The following CFAP47 variants were observed in gnomAD, a reference collection of about 807,000 sequenced individuals.
CFAP47 encodes the protein cilia- and flagella-associated protein 47.
A neutral mutation model predicts 148.1 loss-of-function variants in CFAP47; 29 were observed. The ratio of observed to expected loss-of-function variants is 0.20; its 90% CI spans 0.15 to 0.27. The LOEUF (loss-of-function observed/expected upper bound fraction) is 0.27, where lower values mean the gene tolerates loss of function less well. Among genes scored for constraint, CFAP47 ranks in the 10% least tolerant of loss-of-function variants. The pLI is 1.00. For missense variants in CFAP47, 1,872 were observed against 1,697.5 expected (o/e 1.10, Z -1.81); for synonymous variants, 664 against 577.3 (o/e 1.15, Z -2.15).
At position 35,989,469 on chromosome X, in the gene CFAP47, A is replaced by G; in HGVS notation, c.2844+20A>G. On this transcript the variant is annotated intron_variant, in intron 16 of 63. Transcript: ENST00000378653. ...GCACATGTAATTATTTTCCTTGAAC[A>G]TGGTTTTTGTTTTGAGGGCTATGAA... 1.7e-6 allele frequency: 2 copies of G among 1,210,995 alleles called. No individual in the cohort carries two copies. Among genetic ancestry groups the G allele is most frequent in the Non-Finnish European group, 2.2e-6 (2 of 895,256 alleles).
Position 36,251,409 on chromosome X carries a change from T to A in CFAP47, c.7409T>A (p.Ile2470Asn). The A allele has an allele frequency of 3.9e-6, 2 of 508,413 alleles. No homozygotes were observed. The highest frequency in any genetic ancestry group is 5.0e-5 in the South Asian group (2 of 39,782). The allele number at this position is 508,413 out of a possible 1,213,427, so 41.9% of individuals were successfully genotyped here. Residue 2470 changes from isoleucine to asparagine, a missense_variant, in exon 49 of 64, where the codon ATT becomes AAT. Coordinates refer to ENST00000378653, the MANE Select transcript of CFAP47 (RefSeq NM_001304548.2). ...VYPYKEILYL[I>N]HVRPWKRGIL... is the part of the protein sequence containing the mutation. Reference sequence around the variant, plus strand: ...CCTTATAAAGAAATTCTGTACCTGATTCATGTGCGCCCTTGGAAACGTGGT... The same window carrying A: ...CCTTATAAAGAAATTCTGTACCTGAATCATGTGCGCCCTTGGAAACGTGGT...
At chrX:35,963,176 C>T (rs920139379) in intron 8 of CFAP47, among the ~76,000 whole-genome samples, 1 of 109,417 alleles carries the variant, frequency 9.1e-6, no homozygotes, top group African/African-American at 3.3e-5. Flanking sequence ...CAGTGGATGG[C>T]GAATAAGGAG....
At chrX:36,070,215 C>G (rs1002787962) in intron 27 of CFAP47, among the ~76,000 whole-genome samples, 4 of 112,119 alleles carry the variant, frequency 3.6e-5, no homozygotes, top group African/African-American at 1.3e-4. Context: ...ATCTTCACAA[C>G]AAACTCATGA....
rs782338714 is a variant in CFAP47 at position 36,190,063 on chromosome X, C to T, written c.6188C>T (p.Thr2063Ile). Residue 2063 changes from threonine to isoleucine, a missense_variant, in exon 42 of 64, where the codon ACT becomes ATT. Coordinates refer to ENST00000378653, the MANE Select transcript of CFAP47 (RefSeq NM_001304548.2). The stretch of plus-strand genomic sequence containing the variant: ...TATGTTTTGCTAGCAATTAAGTCCA[C>T]TTTTATCAGAGAGTTCTTCTGCTCC... The part of the protein sequence containing the change: ...PNVLHTSIKS[T>I]FIREFFCSMH... The T allele has an allele frequency of 3.7e-5, 11 of 296,687 alleles. No individual in the cohort carries two copies. The highest frequency in any genetic ancestry group is 2.4e-4 in the African/African-American group (9 of 36,750). The allele number at this position is 296,687 out of a possible 1,213,427, so 24.5% of individuals were successfully genotyped here. A position where few individuals can be genotyped will look rare whatever the true frequency, so the allele number is the denominator to read the frequency against.
intron 48 of CFAP47, among the ~76,000 whole-genome samples, chrX:36,244,201 T>C (rs1384963694): frequency 9.0e-6 from 1 of 111,320 alleles, no homozygotes; most frequent in Non-Finnish European, 1.9e-5. Flanking sequence ...ACTTGAGGCA[T>C]AACTTATAAA....
chrX:36,173,540 C>G (rs1331652161), intron 39 of CFAP47, among the ~76,000 whole-genome samples: 1 of 111,418 alleles, frequency 9.0e-6, no homozygotes, highest in Non-Finnish European at 1.9e-5. Flanking sequence ...TTTATTTCTG[C>G]CTTCATTTTG....
chrX:36,372,801 A>G (rs782031432), intron 62 of CFAP47, among the ~76,000 whole-genome samples: 94 of 112,141 alleles, frequency 8.4e-4, no homozygotes, highest in Non-Finnish European at 1.4e-3. Flanking sequence ...AGGTTTCCCA[A>G]CATCATTTAT....
intron 15 of CFAP47, among the ~76,000 whole-genome samples, chrX:35,987,774 G>A (rs1332970108): frequency 9.0e-6 from 1 of 111,673 alleles, no homozygotes; most frequent in African/African-American, 3.3e-5. Context: ...TGTGGGTTGC[G>A]AATACCATGG....
chrX:35,948,225 C>T, intron 3 of CFAP47, 89 bp from the exon 4 acceptor site: 1 of 860,472 alleles, frequency 1.2e-6, no homozygotes. Flanking sequence ...GCTTGGTCTA[C>T]TGGGTAAAGT....
At chrX:35,948,813 G>T (rs1936123246) in intron 4 of CFAP47, among the ~76,000 whole-genome samples, 1 of 109,228 alleles carries the variant, frequency 9.2e-6, no homozygotes, top group South Asian at 4.0e-4. Flanking sequence ...GTGTGTGTGT[G>T]TGTGTAGGGG....
chrX:36,355,918 A>G (rs1395499189), intron 60 of CFAP47, among the ~76,000 whole-genome samples: 3 of 112,103 alleles, frequency 2.7e-5, no homozygotes, highest in African/African-American at 9.7e-5. Context: ...AAACCATTTT[A>G]ACATGTTCTT....
At chrX:36,199,913 T>C (rs1939961001) in intron 42 of CFAP47, among the ~76,000 whole-genome samples, 1 of 111,807 alleles carries the variant, frequency 8.9e-6, no homozygotes, top group Non-Finnish European at 1.9e-5. Context: ...CTTTTCTACT[T>C]CTGGTCTAAT....
intron 29 of CFAP47, among the ~76,000 whole-genome samples, chrX:36,081,638 A>G (rs1378431491): frequency 9.0e-6 from 1 of 111,698 alleles, no homozygotes; most frequent in Non-Finnish European, 1.9e-5. Context: ...CAAAATGCTA[A>G]TTCACCATGA....
intron 49 of CFAP47, 144 bp downstream of exon 49, chrX:36,251,588 G>A: frequency 5.9e-6 from 2 of 336,499 alleles, no homozygotes; most frequent in Non-Finnish European, 5.1e-6. Context: ...TCAGTCATTA[G>A]CTTTCTAAGT....
intron 49 of CFAP47, among the ~76,000 whole-genome samples, chrX:36,257,525 G>A (rs1049185489): frequency 9.2e-6 from 1 of 108,813 alleles, no homozygotes; most frequent in Admixed American, 9.8e-5. Flanking sequence ...CCTGGACTCA[G>A]CGATCCTCCC....
intron 57 of CFAP47, among the ~76,000 whole-genome samples, chrX:36,335,002 T>C (rs1838044176): frequency 9.0e-6 from 1 of 111,285 alleles, no homozygotes; most frequent in South Asian, 3.7e-4. Context: ...ATGCCATGTG[T>C]ATGTTAGTCA....
chrX:36,222,789 C>T (rs1375579139), intron 45 of CFAP47, among the ~76,000 whole-genome samples: 1 of 110,487 alleles, frequency 9.1e-6, no homozygotes, highest in East Asian at 2.8e-4. Flanking sequence ...GATTCAGATA[C>T]TCATGTACAT....
chrX:36,310,988 A>T lies in CFAP47; in HGVS notation c.8343A>T (p.Thr2781=), dbSNP rs1941389907. ...MEDVLIDIIL[T]SVEHPRNLVM... ...ATGTCCTCATTGATATAATACTGACAAGTAAGTTGTTTTTCTTATATTTTA... is the reference window on the plus strand; with the variant it reads ...ATGTCCTCATTGATATAATACTGACTAGTAAGTTGTTTTTCTTATATTTTA... The change falls in exon 56 of 64, where the codon ACA becomes ACT. Residue 2781 remains threonine (T), a splice_region_variant and synonymous_variant. Transcript: ENST00000378653. The T allele has an allele frequency of 2.9e-6, 3 of 1,046,296 alleles. No homozygotes were observed. Among genetic ancestry groups the T allele is most frequent in the Non-Finnish European group, 3.8e-6 (3 of 796,622 alleles). 86.2% of individuals were successfully genotyped at this position (1,046,296 alleles called of 1,213,427 possible).
chrX:36,008,878 G>A (rs1937009309), intron 21 of CFAP47, among the ~76,000 whole-genome samples: 1 of 111,776 alleles, frequency 8.9e-6, no homozygotes, highest in Non-Finnish European at 1.9e-5. Context: ...TCTCTGGTGA[G>A]TGGTCTCTTG....
Sources: gnomAD v4.1 joint callset for allele counts (sites outside exome capture counted in the v4.1 genomes callset) on GRCh38, gnomAD v4.1.1 for gene constraint, MANE v1.5 for transcripts, NCBI Gene and HGNC (gene_info 2026-07-23, HGNC 2026-07-21) for gene names.